Variants in ILRUN observed in about 807,000 individuals in gnomAD.
The protein encoded by ILRUN is inflammation and lipid regulator with UBA-like and NBR1-like domains.
In ILRUN, 3 loss-of-function variants were observed where a neutral mutation model predicts 33.8. That is an observed-to-expected ratio of 0.09 (90% confidence interval 0.04 to 0.23). The LOEUF (loss-of-function observed/expected upper bound fraction) is 0.23, where lower values mean the gene tolerates loss of function less well. ILRUN is among the 10% of genes least tolerant of loss of function. ILRUN has a pLI of 1.00. For missense variants in ILRUN, 210 were observed against 375.1 expected, an observed-to-expected ratio of 0.56 and a Z score of 3.64; for synonymous variants, 124 against 138.9, an observed-to-expected ratio of 0.89 and a Z score of 0.75.
At chr6:34,695,077 A>C (rs960034952) in intron 1 of ILRUN, among the ~76,000 whole-genome samples, 2 of 150,174 alleles carry the variant, frequency 1.3e-5, no homozygotes, top group Admixed American at 1.3e-4. Flanking sequence ...AAAAATTTAC[A>C]CATTACCTTT....
rs1182830823 is a variant in ILRUN, at chr6:34,646,505, T to C, written c.511+96A>G. 9.3e-6 allele frequency: 11 copies of C among 1,189,140 alleles called. No individual in the cohort carries two copies. The highest frequency in any genetic ancestry group is 1.3e-5 in the Non-Finnish European group (11 of 831,318). The allele number at this position is 1,189,140 out of a possible 1,614,324, so 73.7% of individuals were successfully genotyped here. ...TGACTGTTAAAAAGAGGCCATGCCC[T>C]GTTATGCAATTTGACAGGCTCTGTG... On this transcript the variant is annotated intron_variant, in intron 3 of 4. Coordinates refer to ENST00000374023, the MANE Select transcript of ILRUN (RefSeq NM_024294.4). The surrounding 1 kb of genome is among the most constrained non-coding windows in gnomAD (Gnocchi z 4.9).
intron 1 of ILRUN, among the ~76,000 whole-genome samples, chr6:34,683,581 T>C (rs1763454664): frequency 6.7e-6 from 1 of 148,792 alleles, no homozygotes; most frequent in African/African-American, 2.5e-5. Flanking sequence ...CCGAATATAA[T>C]GCACAGAAAG....
At chr6:34,677,365 T>A (rs1483060525) in intron 1 of ILRUN, among the ~76,000 whole-genome samples, 2 of 151,868 alleles carry the variant, frequency 1.3e-5, no homozygotes, top group Non-Finnish European at 2.9e-5. Context: ...GAAATATTTA[T>A]AATAGTGAAA....
chr6:34,659,556 T>G (rs558011463), intron 1 of ILRUN, among the ~76,000 whole-genome samples: 1 of 152,072 alleles, frequency 6.6e-6, no homozygotes, highest in Non-Finnish European at 1.5e-5. Flanking sequence ...AGAATTGATC[T>G]TGCATATATT....
intron 1 of ILRUN, among the ~76,000 whole-genome samples, chr6:34,656,021 T>C (rs1762764025): frequency 6.6e-6 from 1 of 151,628 alleles, no homozygotes; most frequent in Non-Finnish European, 1.5e-5. Flanking sequence ...GATCACGGGG[T>C]CAGGAGTTCA....
intron 3 of ILRUN, among the ~76,000 whole-genome samples, chr6:34,614,441 A>T (rs144471403): frequency 0.061 from 6,845 of 111,552 alleles, 285 homozygotes; most frequent in East Asian, 0.11. Context: ...TAAAAAAAAA[A>T]AAATATATAT....
chr6:34,696,618 AC>A lies in ILRUN; in HGVS notation c.-16del. 6.3e-7 allele frequency: 1 copy of A among 1,577,534 alleles called. No individual in the cohort carries two copies. Among genetic ancestry groups the A allele is most frequent in the South Asian group, 1.1e-5 (1 of 88,156 alleles). On this transcript the variant is annotated 5_prime_UTR_variant, in exon 1 of 5. Coordinates refer to ENST00000374023, the MANE Select transcript of ILRUN (RefSeq NM_024294.4). Reference sequence around the variant, plus strand: ...ATGCCCTCCATGGCGGGGACCGGACACCCGCTTCCCCGCCTCTTCACAACCA... The same window carrying A: ...ATGCCCTCCATGGCGGGGACCGGACACCGCTTCCCCGCCTCTTCACAACCA...
intron 1 of ILRUN, among the ~76,000 whole-genome samples, chr6:34,657,315 C>G (rs1485157149): frequency 6.6e-6 from 1 of 152,180 alleles, no homozygotes; most frequent in Admixed American, 6.5e-5. Context: ...TCATCCCCAG[C>G]TTGTGTCATA....
At chr6:34,658,865 G>T (rs1035735805) in intron 1 of ILRUN, among the ~76,000 whole-genome samples, 1 of 152,166 alleles carries the variant, frequency 6.6e-6, no homozygotes, top group African/African-American at 2.4e-5. Context: ...GTGGGGTTTT[G>T]AACAAGCAGC....
intron 3 of ILRUN, among the ~76,000 whole-genome samples, chr6:34,628,073 T>A (rs1392477502): frequency 6.6e-6 from 1 of 152,100 alleles, no homozygotes; most frequent in African/African-American, 2.4e-5. Flanking sequence ...CAGGTTGGAG[T>A]GCAGTGGCAC....
At chr6:34,691,769 C>A (rs1422189132) in intron 1 of ILRUN, among the ~76,000 whole-genome samples, 3 of 151,622 alleles carry the variant, frequency 2.0e-5, no homozygotes, top group Non-Finnish European at 2.9e-5. Context: ...GCACTCCGGC[C>A]TGGGCGACAG....
chr6:34,590,462 G>A lies in ILRUN; in HGVS notation c.*103C>T, dbSNP rs1761272531. The A allele has an allele frequency of 6.5e-7, 1 of 1,546,780 alleles. No homozygotes were observed. Among genetic ancestry groups the A allele is most frequent in the Non-Finnish European group, 8.8e-7 (1 of 1,131,384 alleles). ...CGGGATGAGAGGGGGTCAGAGCCAG[G>A]GGTCTGTGCGATGTGGTCTGCAATC... On this transcript the variant is annotated 3_prime_UTR_variant, in exon 5 of 5. Coordinates refer to ENST00000374023, the MANE Select transcript of ILRUN (RefSeq NM_024294.4).
chr6:34,649,923 T>C (rs1012581673), intron 2 of ILRUN, among the ~76,000 whole-genome samples: 3 of 152,202 alleles, frequency 2.0e-5, no homozygotes, highest in Non-Finnish European at 4.4e-5. Context: ...ACTATTTTAA[T>C]GCACTAGAAG....
chr6:34,684,429 C>T (rs936531358), intron 1 of ILRUN, among the ~76,000 whole-genome samples: 4 of 152,196 alleles, frequency 2.6e-5, no homozygotes, highest in Admixed American at 6.5e-5. Flanking sequence ...TGTCCATTCA[C>T]ATCTAAATTA....
intron 3 of ILRUN, chr6:34,616,858 T>C (rs748926911): frequency 1.5e-6 from 1 of 687,596 alleles, no homozygotes; most frequent in Non-Finnish European, 2.7e-6. Context: ...TTTGCCTTCA[T>C]CAAATCTTTA....
In ILRUN at chr6:34,696,622, G is replaced by C; in HGVS notation, c.-19C>G. The stretch of plus-strand genomic sequence containing the variant: ...CCTCCATGGCGGGGACCGGACACCC[G>C]CTTCCCCGCCTCTTCACAACCAAGC... On this transcript the variant is annotated 5_prime_UTR_variant, in exon 1 of 5. Coordinates refer to ENST00000374023, the MANE Select transcript of ILRUN (RefSeq NM_024294.4). 6.3e-7 allele frequency: 1 copy of C among 1,578,144 alleles called. No homozygotes were observed.
chr6:34,617,965 A>G lies in ILRUN; in HGVS notation c.512-11061T>C, dbSNP rs191919667. On this transcript the variant is annotated intron_variant, in intron 3 of 4. Transcript: ENST00000374023. Reference sequence around the variant, plus strand: ...AGGAAACAACAAAGAAACTATTCCTATTTCACAATTTTTCCACATTATGCC... The same window carrying G: ...AGGAAACAACAAAGAAACTATTCCTGTTTCACAATTTTTCCACATTATGCC... Among the ~76,000 whole-genome samples the G allele has an allele frequency of 1.0e-3, 152 of 152,340 alleles. 1 individual carries two copies. Among genetic ancestry groups the G allele is most frequent in the African/African-American group, 3.3e-3 (139 of 41,586 alleles).
chr6:34,609,522 T>C (rs1231209572), intron 3 of ILRUN, among the ~76,000 whole-genome samples: 3 of 151,800 alleles, frequency 2.0e-5, no homozygotes, highest in Non-Finnish European at 4.4e-5. Context: ...TCTTAAAGTA[T>C]CATACAACCA....
intron 1 of ILRUN, among the ~76,000 whole-genome samples, chr6:34,663,848 G>T (rs114087651): frequency 6.6e-6 from 1 of 152,110 alleles, no homozygotes; most frequent in African/African-American, 2.4e-5. Context: ...AAGTTATATC[G>T]CAAAGAGGAA....
Sources: allele counts gnomAD v4.1 joint callset (sites outside exome capture counted in the v4.1 genomes callset), GRCh38; gene constraint gnomAD v4.1.1; non-coding constraint Gnocchi (gnomAD v3.1); transcripts MANE v1.5; gene names NCBI Gene and HGNC (gene_info 2026-07-23, HGNC 2026-07-21).